DGKI: variants seen among roughly 807,000 people sequenced by gnomAD.
DGKI encodes the protein diacylglycerol kinase iota.
In DGKI, 55 loss-of-function variants were observed where a neutral mutation model predicts 147.5. That is an observed-to-expected ratio of 0.37 (90% CI 0.30 to 0.47). The LOEUF (loss-of-function observed/expected upper bound fraction) is 0.47, where lower values mean the gene tolerates loss of function less well. Ranked by LOEUF, DGKI falls within the 20% of genes least tolerant of loss-of-function variation. The probability of loss-of-function intolerance (pLI) is 1.00; values close to 1 mark genes in which losing one functional copy is unlikely to be tolerated. For synonymous variants in DGKI, 469 were observed against 477.1 expected, an observed-to-expected ratio of 0.98 and a Z score of 0.22; for missense variants, 1,007 against 1,323.8, an observed-to-expected ratio of 0.76 and a Z score of 3.71.
chr7:137,619,816 G>A lies in DGKI; in HGVS notation c.993+8C>T, dbSNP rs1195837835. ...CTGGCCCAGCAGCACCAGAGTCCTG[G>A]CAGTTACCTGAGGTTTCTTCACCTT... On this transcript the variant is annotated splice_region_variant and intron_variant, in intron 8 of 32. Transcript: ENST00000614521. The A allele has an allele frequency of 2.5e-6, 4 of 1,605,408 alleles. No individual in the cohort carries two copies. Among genetic ancestry groups the A allele is most frequent in the Non-Finnish European group, 3.4e-6 (4 of 1,172,688 alleles).
intron 12 of DGKI, among the ~76,000 whole-genome samples, chr7:137,590,035 GAA>G (rs771831510): frequency 1.6e-5 from 2 of 127,546 alleles, no homozygotes; most frequent in Middle Eastern, 3.8e-3. Flanking sequence ...AAAAAAGAAA[GAA>G]AAAAAAAAAA....
At chr7:137,836,137 T>A (rs1798374022) in intron 1 of DGKI, among the ~76,000 whole-genome samples, 1 of 152,094 alleles carries the variant, frequency 6.6e-6, no homozygotes, top group African/African-American at 2.4e-5. Context: ...AATTTGTCTT[T>A]AAAAAAAATC....
Position 137,846,404 on chromosome 7 carries a change from G to A in DGKI, c.401+58C>T. 1 of 1,340,742 alleles carries A rather than the reference G, an allele frequency of 7.5e-7. No individual in the cohort carries two copies. The highest frequency in any genetic ancestry group is 1.2e-5 in the South Asian group (1 of 83,172). 83.1% of individuals were successfully genotyped at this position (1,340,742 alleles called of 1,614,324 possible). A position where few individuals can be genotyped will look rare whatever the true frequency, so the allele number is the denominator to read the frequency against. On this transcript the variant is annotated intron_variant, in intron 1 of 32. Coordinates refer to ENST00000614521, the MANE Select transcript of DGKI (RefSeq NM_001321708.2). This position sits in a 1 kb window ranked among gnomAD's most constrained non-coding sequence, Gnocchi z 4.0. ...CCGCGGAAGCGCCCCTTGCTGGGTA[G>A]AAGAGTGGGTCTCCCGCCGCGGCGC...
At chr7:137,424,923 G>T (rs1394412962) in intron 28 of DGKI, among the ~76,000 whole-genome samples, 1 of 152,230 alleles carries the variant, frequency 6.6e-6, no homozygotes. Flanking sequence ...AGCTCAAGGA[G>T]GCCTGCCTGC....
chr7:137,751,411 T>C (rs541244100), intron 1 of DGKI, among the ~76,000 whole-genome samples: 1 of 152,346 alleles, frequency 6.6e-6, no homozygotes, highest in East Asian at 1.9e-4. Context: ...GTACCTCTCA[T>C]AGCACCTGAA....
intron 21 of DGKI, among the ~76,000 whole-genome samples, chr7:137,505,096 G>A (rs1009723245): frequency 2.7e-5 from 4 of 149,136 alleles, no homozygotes; most frequent in African/African-American, 5.0e-5. Flanking sequence ...TAGACAAAGG[G>A]GGGGAACATC....
chr7:137,585,414 GCAAGGAAGAGC>G, intron 13 of DGKI, 68 bp from the exon 14 acceptor site: 3 of 1,541,662 alleles, frequency 1.9e-6, no homozygotes, highest in Non-Finnish European at 2.6e-6. Flanking sequence ...GCTATTTTAC[GCAAGGAAGAGC>G]CAAGCCGTTA....
chr7:137,694,559 G>C (rs1823722102), intron 1 of DGKI, among the ~76,000 whole-genome samples: 1 of 152,126 alleles, frequency 6.6e-6, no homozygotes, highest in South Asian at 2.1e-4. Flanking sequence ...CAGAGAATCA[G>C]GAAGTCTCTT....
At chr7:137,539,947 A>G (rs772247653) in intron 20 of DGKI, among the ~76,000 whole-genome samples, 1 of 152,180 alleles carries the variant, frequency 6.6e-6, no homozygotes, top group Non-Finnish European at 1.5e-5. Flanking sequence ...GAGAGAAAGA[A>G]ATACAACAAC....
intron 7 of DGKI, 72 bp from the exon 8 acceptor site, chr7:137,620,012 T>TACACACTC (rs1402816608): frequency 2.8e-6 from 2 of 715,022 alleles, no homozygotes; most frequent in East Asian, 3.0e-5. Flanking sequence ...GATAAATATG[T>TACACACTC]ACACACGCAC....
intron 22 of DGKI, among the ~76,000 whole-genome samples, chr7:137,486,790 T>C (rs576019282): frequency 6.6e-6 from 1 of 152,272 alleles, no homozygotes; most frequent in East Asian, 1.9e-4. Context: ...TATTTACCTA[T>C]GTATAACATG....
chr7:137,469,590 G>A lies in DGKI; in HGVS notation c.2403C>T (p.Leu801=). Reference sequence around the variant, plus strand: ...ACCGAGGAGAGAGCCTCTGTGCTGAGAGAGCCCTGGGGAAGGAGGTTTCAT... The same window carrying A: ...ACCGAGGAGAGAGCCTCTGTGCTGAAAGAGCCCTGGGGAAGGAGGTTTCAT... ...QDHETSFPRA[L]SAQRLSPRWC... The change falls in exon 24 of 33, where the codon CTC becomes CTT. Residue 801 remains leucine (L), a synonymous_variant. Transcript: ENST00000614521. 2 of 1,614,032 alleles carry A rather than the reference G, an allele frequency of 1.2e-6. No homozygotes were observed. The highest frequency in any genetic ancestry group is 1.7e-6 in the Non-Finnish European group (2 of 1,179,978).
At chr7:137,445,204 C>T (rs1813667943) in intron 27 of DGKI, among the ~76,000 whole-genome samples, 1 of 152,116 alleles carries the variant, frequency 6.6e-6, no homozygotes, top group South Asian at 2.1e-4. Flanking sequence ...ACTTTATCTA[C>T]TGGTTAGTAA....
chr7:137,424,036 T>C (rs1320473999), intron 28 of DGKI, among the ~76,000 whole-genome samples: 2 of 152,212 alleles, frequency 1.3e-5, no homozygotes, highest in East Asian at 3.9e-4. Flanking sequence ...TACTGGGTTA[T>C]AATAAAACAT....
intron 28 of DGKI, among the ~76,000 whole-genome samples, chr7:137,423,129 T>C (rs1382081733): frequency 1.3e-5 from 2 of 152,196 alleles, no homozygotes; most frequent in Non-Finnish European, 2.9e-5. Context: ...TTCCTGGCAT[T>C]TGGATGATAA....
chr7:137,779,136 T>C (rs575146140), intron 1 of DGKI, among the ~76,000 whole-genome samples: 12 of 152,274 alleles, frequency 7.9e-5, no homozygotes, highest in African/African-American at 1.7e-4. Context: ...GGCATAAAGA[T>C]AGAAAAATAG....
At chr7:137,528,477 C>T (rs1359203161) in intron 20 of DGKI, among the ~76,000 whole-genome samples, 1 of 152,136 alleles carries the variant, frequency 6.6e-6, no homozygotes, top group Non-Finnish European at 1.5e-5. Context: ...ACTCCCACTG[C>T]CCAACATGTT....
intron 1 of DGKI, among the ~76,000 whole-genome samples, chr7:137,819,855 T>C (rs1322665790): frequency 6.6e-6 from 1 of 152,168 alleles, no homozygotes; most frequent in African/African-American, 2.4e-5. Flanking sequence ...TACACCATGT[T>C]TTTTCAAACC....
chr7:137,728,835 A>G (rs993803414), intron 1 of DGKI, among the ~76,000 whole-genome samples: 7 of 152,104 alleles, frequency 4.6e-5, no homozygotes, highest in African/African-American at 1.7e-4. Flanking sequence ...GAGCTATTCT[A>G]TATCTTCAAG....
Sources: allele counts gnomAD v4.1 joint callset (sites outside exome capture counted in the v4.1 genomes callset), GRCh38; gene constraint gnomAD v4.1.1; non-coding constraint Gnocchi (gnomAD v3.1); transcripts MANE v1.5; gene names NCBI Gene and HGNC (gene_info 2026-07-23, HGNC 2026-07-21).